LDLRAD3: variants seen among roughly 807,000 people sequenced by gnomAD.
LDLRAD3 encodes low-density lipoprotein receptor class A domain-containing protein 3.
LDLRAD3 carries 20 observed loss-of-function variants against 29.4 expected under a neutral mutation model. The ratio of observed to expected loss-of-function variants is 0.68; its 90% CI spans 0.48 to 0.99. The LOEUF (loss-of-function observed/expected upper bound fraction) is 0.99, where lower values mean the gene tolerates loss of function less well. LDLRAD3 is among the 50% of genes least tolerant of loss of function. The pLI, the probability that LDLRAD3 is intolerant of heterozygous loss-of-function variation, is 0.00. For missense variants in LDLRAD3, 420 were observed against 454.3 expected (o/e 0.92, Z 0.69); for synonymous variants, 157 against 192.7 (o/e 0.81, Z 1.53).
chr11:35,968,727 A>C (rs370708082), intron 1 of LDLRAD3: 1 of 162,846 alleles, frequency 6.1e-6, no homozygotes, highest in African/African-American at 2.4e-5. Context: ...TTTTTTGTTA[A>C]TATTTCTGTC....
intron 2 of LDLRAD3, among the ~76,000 whole-genome samples, chr11:36,060,427 G>A (rs569841853): frequency 6.6e-6 from 1 of 151,186 alleles, no homozygotes; most frequent in African/African-American, 2.4e-5. Context: ...GAAAGTTGCA[G>A]AGCTGGGGTT....
chr11:35,945,162 C>A (rs1851040733), intron 1 of LDLRAD3, among the ~76,000 whole-genome samples: 1 of 152,240 alleles, frequency 6.6e-6, no homozygotes, highest in Non-Finnish European at 1.5e-5. Flanking sequence ...GTGTTTGTGC[C>A]ATCCACATGT....
intron 4 of LDLRAD3, among the ~76,000 whole-genome samples, chr11:36,202,835 C>T (rs1855147196): frequency 1.3e-5 from 2 of 152,138 alleles, no homozygotes; most frequent in African/African-American, 2.4e-5. Flanking sequence ...AAGGACACGG[C>T]AGAGGGGGAT....
intron 4 of LDLRAD3, among the ~76,000 whole-genome samples, chr11:36,208,550 C>T (rs958452381): frequency 3.3e-5 from 5 of 152,216 alleles, no homozygotes; most frequent in African/African-American, 4.8e-5. Context: ...CTGGCCTGAT[C>T]GCCCTTAAAT....
At chr11:36,228,157 A>T (rs1855526083) in intron 5 of LDLRAD3, among the ~76,000 whole-genome samples, 1 of 152,084 alleles carries the variant, frequency 6.6e-6, no homozygotes, top group African/African-American at 2.4e-5. Context: ...GGCATTAGAC[A>T]TTTTGCTGGC....
chr11:35,957,007 T>C (rs1206528100), intron 1 of LDLRAD3, among the ~76,000 whole-genome samples: 4 of 152,196 alleles, frequency 2.6e-5, no homozygotes, highest in Non-Finnish European at 5.9e-5. Context: ...AGTGCTGGGA[T>C]TACCCAAAGT....
intron 2 of LDLRAD3, among the ~76,000 whole-genome samples, chr11:36,068,364 A>G (rs925382815): frequency 1.7e-4 from 26 of 152,186 alleles, no homozygotes; most frequent in African/African-American, 6.0e-4. Flanking sequence ...TATTCTCTAC[A>G]TGCAAAATCT....
rs1267988658 is a variant in LDLRAD3, at chr11:35,961,605, A to T, written c.46+17461A>T. On this transcript the variant is annotated intron_variant, in intron 1 of 5. Coordinates refer to ENST00000315571, the MANE Select transcript of LDLRAD3 (RefSeq NM_174902.4). ...GGGTTGAGGGCTGGGAGTGTCATTT[A>T]TCTCAAACCCCCAGTGCCTAGCTTG... Among the ~76,000 whole-genome samples, 6 of 152,200 alleles carry T rather than the reference A, an allele frequency of 3.9e-5. No individual in the cohort carries two copies. In the South Asian group the frequency reaches 1.0e-3, roughly 26 times the overall value.
In LDLRAD3 at chr11:36,052,341, C is replaced by T. The variant is rs778571247; in HGVS notation, c.193+16092C>T. Among the ~76,000 whole-genome samples the T allele has an allele frequency of 1.3e-4, 20 of 152,150 alleles. 2 individuals carry two copies. The South Asian group carries it at 2.7e-3, about 21-fold the overall frequency. On this transcript the variant is annotated intron_variant, in intron 2 of 5. Transcript: ENST00000315571. ...TATCTCCTAAAGAAATCAAATAGATCGCAGATGCTCTTGTTGCAATGCCCA... is the reference window on the plus strand; with the variant it reads ...TATCTCCTAAAGAAATCAAATAGATTGCAGATGCTCTTGTTGCAATGCCCA...
chr11:36,231,225 C>G lies in LDLRAD3; in HGVS notation c.*1828C>G, dbSNP rs754738453. ...CAGTGATCCTGTTCTGTAGACTTTT[C>G]TTTCTTTTTTTAACCAAATCCAAAG... is the stretch of plus-strand genomic sequence containing the variant. On this transcript the variant is annotated 3_prime_UTR_variant, in exon 6 of 6. Transcript: ENST00000315571. 7.2e-5 allele frequency: 11 copies of G among 151,800 alleles called. No homozygotes were observed. Among genetic ancestry groups the G allele is most frequent in the Non-Finnish European group, 1.3e-4 (9 of 67,926 alleles). 9.4% of individuals were successfully genotyped at this position (151,800 alleles called of 1,614,324 possible).
chr11:36,078,264 C>T (rs1853049509), intron 2 of LDLRAD3, among the ~76,000 whole-genome samples: 1 of 152,182 alleles, frequency 6.6e-6, no homozygotes, highest in African/African-American at 2.4e-5. Flanking sequence ...GATTGGGCTT[C>T]ACCTGGGACC....
At chr11:36,135,507 C>T (rs145261837) in intron 4 of LDLRAD3, among the ~76,000 whole-genome samples, 143 of 152,286 alleles carry the variant, frequency 9.4e-4, no homozygotes, top group Non-Finnish European at 1.7e-3. Flanking sequence ...ATGGCATCAC[C>T]TACCCATCTC....
intron 1 of LDLRAD3, among the ~76,000 whole-genome samples, chr11:35,999,718 G>A (rs767565313): frequency 7.2e-5 from 11 of 152,182 alleles, no homozygotes; most frequent in Non-Finnish European, 5.9e-5. Flanking sequence ...GGAGCTCCAC[G>A]TGTGTCACTG....
At chr11:36,060,627 G>T (rs143093785) in intron 2 of LDLRAD3, among the ~76,000 whole-genome samples, 18 of 152,230 alleles carry the variant, frequency 1.2e-4, no homozygotes, top group African/African-American at 3.4e-4. Flanking sequence ...TGATTTACTT[G>T]CTTGTGTGAT....
intron 4 of LDLRAD3, among the ~76,000 whole-genome samples, chr11:36,206,625 G>A (rs564178605): frequency 1.3e-4 from 20 of 152,212 alleles, no homozygotes; most frequent in Admixed American, 2.6e-4. Context: ...AGAGCATCAG[G>A]CTCTTATACG....
At chr11:36,026,884 C>G (rs1852173906) in intron 1 of LDLRAD3, among the ~76,000 whole-genome samples, 1 of 152,198 alleles carries the variant, frequency 6.6e-6, no homozygotes, top group Non-Finnish European at 1.5e-5. Flanking sequence ...AGCATGTAAT[C>G]AAGAAATAAC....
intron 1 of LDLRAD3, among the ~76,000 whole-genome samples, chr11:36,010,469 T>G (rs1851941580): frequency 6.6e-6 from 1 of 152,354 alleles, no homozygotes; most frequent in Non-Finnish European, 1.5e-5. Flanking sequence ...TTGGATTTTC[T>G]TATTACTTTT....
At chr11:35,989,759 C>G (rs1014980306) in intron 1 of LDLRAD3, among the ~76,000 whole-genome samples, 8 of 152,050 alleles carry the variant, frequency 5.3e-5, no homozygotes, top group African/African-American at 1.9e-4. Flanking sequence ...ATTTTGTATC[C>G]CAAAACTTTA....
intron 1 of LDLRAD3, chr11:35,997,456 G>A (rs1851769445): frequency 2.5e-6 from 1 of 393,612 alleles, no homozygotes. Flanking sequence ...GGCAGTGGCA[G>A]ATGGTACCAC....
Sources: allele counts gnomAD v4.1 joint callset (sites outside exome capture counted in the v4.1 genomes callset), GRCh38; gene constraint gnomAD v4.1.1; transcripts MANE v1.5; gene names NCBI Gene and HGNC (gene_info 2026-07-23, HGNC 2026-07-21).